VWCE: variants seen among roughly 807,000 people sequenced by gnomAD.
VWCE encodes the protein von Willebrand factor C and EGF domain-containing protein.
In VWCE, 68 loss-of-function variants were observed where a neutral mutation model predicts 102.9. The observed-to-expected ratio is 0.66, with a 90% CI of 0.54 to 0.81. VWCE has a LOEUF of 0.81. Among genes scored for constraint, VWCE ranks in the 30% least tolerant of loss-of-function variants. The probability of loss-of-function intolerance (pLI) is 0.00; values close to 1 mark genes in which losing one functional copy is unlikely to be tolerated. For synonymous variants in VWCE, 497 were observed against 515.4 expected, an observed-to-expected ratio of 0.96 and a Z score of 0.48; for missense variants, 1,137 against 1,263.6, an observed-to-expected ratio of 0.90 and a Z score of 1.52.
chr11:61,290,714 A>G, intron 4 of VWCE, 85 bp downstream of exon 4: 1 of 1,490,160 alleles, frequency 6.7e-7, no homozygotes. Context: ...CTTGCAATAC[A>G]CTGGAGACCA....
At chr11:61,279,408 A>T (rs952881942) in intron 9 of VWCE, among the ~76,000 whole-genome samples, 1 of 150,712 alleles carries the variant, frequency 6.6e-6, no homozygotes, top group South Asian at 2.1e-4. Flanking sequence ...TGTTGCCAAT[A>T]AAAAAAAAGT....
At chr11:61,281,569 A>C (rs1855136233) in intron 7 of VWCE, among the ~76,000 whole-genome samples, 1 of 152,184 alleles carries the variant, frequency 6.6e-6, no homozygotes, top group Non-Finnish European at 1.5e-5. Context: ...GGAGTGTTGA[A>C]AGTAACAAAC....
In VWCE at chr11:61,258,843, T is replaced by C. The variant is rs1242954231; in HGVS notation, c.2700A>G (p.Ala900=). The part of the protein sequence containing the change: ...LPGTLLTEAS[A]LSMMDPSPSK... ...AGGGGCTGGGGTCCATCATGGAAAG[T>C]GCTGAAGCTTCCGTCAGGAGGGTGC... is the stretch of plus-strand genomic sequence containing the variant. The change falls in exon 20 of 20, where the codon GCA becomes GCG. Residue 900 remains alanine (A), a synonymous_variant. Transcript: ENST00000335613. 4 of 1,517,610 alleles carry C rather than the reference T, an allele frequency of 2.6e-6. No individual in the cohort carries two copies. The highest frequency in any genetic ancestry group is 3.5e-6 in the Non-Finnish European group (4 of 1,135,532). The allele number at this position is 1,517,610 out of a possible 1,614,324, so 94.0% of individuals were successfully genotyped here. A position where few individuals can be genotyped will look rare whatever the true frequency, so the allele number is the denominator to read the frequency against.
At position 61,286,422 on chromosome 11, in the gene VWCE, CG is replaced by C; in HGVS notation, c.432del (p.Asp144GlufsTer4). ...TAVGIRCTDIDECVTSSCEGH... is the reference protein window; with the variant it reads ...TAVGIRCTDIXECVTSSCEGH... ...CCCTCGCAGGAGGAGGTTACACATT[CG>C]TCAATGTCTGGAAAGACAGAAAGCA... On this transcript the variant is annotated frameshift_variant, in exon 5 of 20. Transcript: ENST00000335613. LOFTEE classifies it high-confidence loss of function. The C allele has an allele frequency of 2.5e-6, 4 of 1,612,032 alleles. No individual in the cohort carries two copies. The highest frequency in any genetic ancestry group is 3.4e-6 in the Non-Finnish European group (4 of 1,179,942).
chr11:61,277,590 G>A (rs1052442223), intron 10 of VWCE, among the ~76,000 whole-genome samples: 1 of 152,152 alleles, frequency 6.6e-6, no homozygotes, highest in Non-Finnish European at 1.5e-5. Flanking sequence ...GGGCAACAGA[G>A]CAAGACACTG....
Position 61,276,652 on chromosome 11 carries a change from T to G in VWCE, c.1436A>C (p.Glu479Ala), listed in dbSNP as rs778741384. The G allele has an allele frequency of 6.2e-7, 1 of 1,604,022 alleles. No individual in the cohort carries two copies. Among genetic ancestry groups the G allele is most frequent in the Non-Finnish European group, 8.5e-7 (1 of 1,175,540 alleles). Residue 479 changes from glutamate to alanine, a missense_variant, in exon 11 of 20, where the codon GAG (glutamate) becomes GCG (alanine). By Grantham distance (107) the Glu-to-Ala change is moderately radical (BLOSUM62 -1). This residue lies in a region of VWCE where 5 missense variants were observed against 20.4 expected (regional missense o/e 0.24). Coordinates refer to ENST00000335613, the MANE Select transcript of VWCE (RefSeq NM_152718.2). ...LAGNVSCISP[E>A]CPSGPCQTPP... is the part of the protein sequence containing the mutation. ...GGTCTGACAGGGGCCAGAAGGACAC[T>G]CAGGAGAGATGCAGGACACGTTTCC...
intron 19 of VWCE, among the ~76,000 whole-genome samples, chr11:61,260,977 C>A (rs1222263431): frequency 6.6e-6 from 1 of 152,124 alleles, no homozygotes. Context: ...ATAATCCCAG[C>A]ATTTTGGGAG....
intron 12 of VWCE, chr11:61,273,645 C>A (rs1256148975): frequency 7.1e-6 from 2 of 282,498 alleles, no homozygotes; most frequent in African/African-American, 4.4e-5. Context: ...GAGTGCAAAG[C>A]CCTCAATGCA....
intron 11 of VWCE, among the ~76,000 whole-genome samples, chr11:61,275,070 G>C (rs999318201): frequency 7.2e-5 from 11 of 152,118 alleles, no homozygotes; most frequent in Non-Finnish European, 1.5e-5. Flanking sequence ...CAACAAAAAA[G>C]TCTGACAAAG....
At chr11:61,284,777 A>G (rs1855262393) in intron 5 of VWCE, among the ~76,000 whole-genome samples, 1 of 151,930 alleles carries the variant, frequency 6.6e-6, no homozygotes, top group Non-Finnish European at 1.5e-5. Context: ...GTGAAACCTC[A>G]TCTCTACTAA....
In VWCE at chr11:61,276,639, G is replaced by T; in HGVS notation, c.1449C>A (p.Gly483=). 1 of 1,608,548 alleles carries T rather than the reference G, an allele frequency of 6.2e-7. No homozygotes were observed. The highest frequency in any genetic ancestry group is 1.1e-5 in the South Asian group (1 of 90,182). The change falls in exon 11 of 20, where the codon GGC becomes GGA. Residue 483 remains glycine (G), a synonymous_variant. Transcript: ENST00000335613. ...VSCISPECPS[G]PCQTPPQTDC... is the part of the protein sequence containing the mutation. ...CCGTCTGTGGGGGGGTCTGACAGGG[G>T]CCAGAAGGACACTCAGGAGAGATGC... is the stretch of plus-strand genomic sequence containing the variant.
At chr11:61,277,886 T>TG (rs969787800) in intron 10 of VWCE, among the ~76,000 whole-genome samples, 1 of 152,038 alleles carries the variant, frequency 6.6e-6, no homozygotes, top group Non-Finnish European at 1.5e-5. Context: ...TCGCCCAGGC[T>TG]GGAGAGCAGT....
Position 61,279,811 on chromosome 11 carries a change from G to A in VWCE, c.1324+813C>T, listed in dbSNP as rs374068547. Among the ~76,000 whole-genome samples the A allele has an allele frequency of 9.9e-5, 15 of 152,008 alleles. No individual in the cohort carries two copies. The East Asian group carries it at 2.5e-3, about 26-fold the overall frequency. ...CACAAACATGGCTCACTGCAGCCTC[G>A]ACCTCCTGAGCTCAGGTGATCCTCC... is the stretch of plus-strand genomic sequence containing the variant. On this transcript the variant is annotated intron_variant, in intron 9 of 19. Coordinates refer to ENST00000335613, the MANE Select transcript of VWCE (RefSeq NM_152718.2).
rs888841437 is a variant in VWCE, at chr11:61,294,281, G to T, written c.110+647C>A. On this transcript the variant is annotated intron_variant, in intron 1 of 19. Transcript: ENST00000335613. This position sits in a 1 kb window ranked among gnomAD's most constrained non-coding sequence, Gnocchi z 6.3. ...CCCCGCTGCGCGCCCCCCGGAGGAC[G>T]TGGCCGCGGGCCAGGCCGCCTGCTG... 6.6e-6 allele frequency among the ~76,000 whole-genome samples: 1 copy of T among 152,146 alleles called. No individual in the cohort carries two copies. Among genetic ancestry groups the T allele is most frequent in the East Asian group, 1.9e-4 (1 of 5,174 alleles).
At position 61,276,624 on chromosome 11, in the gene VWCE, G is replaced by C. The variant is rs756219515; in HGVS notation, c.1464C>G (p.Pro488=). 3.1e-6 allele frequency: 5 copies of C among 1,606,918 alleles called. No individual in the cohort carries two copies. The highest frequency in any genetic ancestry group is 3.3e-4 in the Middle Eastern group (2 of 6,020). ...CACAAGTACAGCAATCCGTCTGTGG[G>C]GGGGTCTGACAGGGGCCAGAAGGAC... ...PECPSGPCQT[P]PQTDCCTCVP... is the part of the protein sequence containing the mutation. The change falls in exon 11 of 20, where the codon CCC becomes CCG. Residue 488 remains proline, a synonymous_variant. Transcript: ENST00000335613.
chr11:61,274,797 C>A (rs1235591892), intron 11 of VWCE, among the ~76,000 whole-genome samples: 2 of 152,180 alleles, frequency 1.3e-5, no homozygotes, highest in African/African-American at 4.8e-5. Flanking sequence ...TGTGGCAGTT[C>A]ATGTCTGTAA....
chr11:61,276,630 C>A lies in VWCE; in HGVS notation c.1458G>T (p.Gln486His), dbSNP rs55845050. 2.4e-5 allele frequency: 39 copies of A among 1,606,126 alleles called. No homozygotes were observed. Among genetic ancestry groups the A allele is most frequent in the Non-Finnish European group, 3.1e-5 (37 of 1,176,542 alleles). Residue 486 changes from glutamine (Q) to histidine (H), a missense_variant, in exon 11 of 20, where the codon CAG becomes CAT. By Grantham distance (24) the Gln-to-His change is conservative (BLOSUM62 0). Transcript: ENST00000335613. ...TACAGCAATCCGTCTGTGGGGGGGT[C>A]TGACAGGGGCCAGAAGGACACTCAG... is the stretch of plus-strand genomic sequence containing the variant. ...ISPECPSGPC[Q>H]TPPQTDCCTC...
At position 61,290,833 on chromosome 11, in the gene VWCE, C is replaced by G; in HGVS notation, c.390G>C (p.Ser130=). Residue 130 remains serine, a synonymous_variant, in exon 4 of 20, where the codon TCG becomes TCC. Coordinates refer to ENST00000335613, the MANE Select transcript of VWCE (RefSeq NM_152718.2). ...EVARVCPVGF[S]MTETAVGIRC... ...TGATGCCAACAGCTGTCTCCGTCAT[C>G]GAGAAGCCCACGGGGCACACTCGGG... The G allele has an allele frequency of 6.2e-7, 1 of 1,612,586 alleles. No individual in the cohort carries two copies. Among genetic ancestry groups the G allele is most frequent in the East Asian group, 2.2e-5 (1 of 44,768 alleles).
At chr11:61,286,852 C>T (rs992495309) in intron 4 of VWCE, among the ~76,000 whole-genome samples, 1 of 151,270 alleles carries the variant, frequency 6.6e-6, no homozygotes, top group Non-Finnish European at 1.5e-5. Context: ...AATCCCAGCT[C>T]ATTGGGAGGC....
Sources: gnomAD v4.1 joint callset for allele counts (sites outside exome capture counted in the v4.1 genomes callset) on GRCh38, gnomAD v4.1.1 for gene constraint, gnomAD v4.1.1 regional missense constraint, Gnocchi (gnomAD v3.1) non-coding constraint, MANE v1.5 for transcripts, NCBI Gene and HGNC (gene_info 2026-07-23, HGNC 2026-07-21) for gene names.